The following SPAG16 variants were observed in gnomAD, a reference collection of about 807,000 sequenced individuals.
SPAG16 encodes the protein sperm associated antigen 16, also known as sperm-associated antigen 16 protein.
Under a neutral mutation model 80.4 loss-of-function variants are expected in SPAG16, and 86 were observed. The ratio of observed to expected loss-of-function variants is 1.07; its 90% CI spans 0.90 to 1.28. The LOEUF (loss-of-function observed/expected upper bound fraction) is 1.28, where lower values mean the gene tolerates loss of function less well. Ranked by LOEUF, SPAG16 falls within the 50% of genes most tolerant of loss-of-function variation. The pLI, the probability that SPAG16 is intolerant of heterozygous loss-of-function variation, is 0.00. For missense variants in SPAG16, 870 were observed against 765.3 expected (o/e 1.14, Z -1.61); for synonymous variants, 294 against 265.9 (o/e 1.11, Z -1.03).
At chr2:213,288,471 A>T (rs1575078947) in intron 1 of SPAG16, among the ~76,000 whole-genome samples, 2 of 143,022 alleles carry the variant, frequency 1.4e-5, no homozygotes, top group Admixed American at 6.9e-5. Flanking sequence ...CACCTGGCTA[A>T]TTTTTTTTTT....
intron 13 of SPAG16, among the ~76,000 whole-genome samples, chr2:214,016,224 T>C (rs1427458316): frequency 6.6e-6 from 1 of 152,176 alleles, no homozygotes; most frequent in Non-Finnish European, 1.5e-5. Flanking sequence ...AGAGGTTTAA[T>C]GAACTCACAG....
At chr2:213,709,747 C>T (rs1258329037) in intron 10 of SPAG16, among the ~76,000 whole-genome samples, 1 of 152,074 alleles carries the variant, frequency 6.6e-6, no homozygotes, top group African/African-American at 2.4e-5. Context: ...CCTCCAGTCC[C>T]TCTTAAAGAG....
intron 10 of SPAG16, among the ~76,000 whole-genome samples, chr2:213,689,093 G>C (rs964463806): frequency 3.9e-5 from 6 of 152,150 alleles, no homozygotes; most frequent in Non-Finnish European, 7.3e-5. Flanking sequence ...CTGAGCAGCT[G>C]GGATCACAGG....
chr2:213,941,291 T>A (rs916006955), intron 12 of SPAG16, among the ~76,000 whole-genome samples: 2 of 152,190 alleles, frequency 1.3e-5, no homozygotes, highest in Non-Finnish European at 2.9e-5. Context: ...AATATCAATT[T>A]CCTTTTCTAA....
intron 9 of SPAG16, among the ~76,000 whole-genome samples, chr2:213,485,867 C>G (rs1180936862): frequency 6.6e-6 from 1 of 151,956 alleles, no homozygotes; most frequent in African/African-American, 2.4e-5. Context: ...GGAAAGAGGC[C>G]TAATAGATAG....
chr2:213,818,405 T>C (rs984710753), intron 10 of SPAG16, among the ~76,000 whole-genome samples: 4 of 152,154 alleles, frequency 2.6e-5, no homozygotes, highest in African/African-American at 9.7e-5. Context: ...AATCATTTAC[T>C]TCCCCTGTAA....
intron 15 of SPAG16, among the ~76,000 whole-genome samples, chr2:214,211,855 T>C (rs1381762244): frequency 6.6e-6 from 1 of 152,152 alleles, no homozygotes; most frequent in Non-Finnish European, 1.5e-5. Flanking sequence ...TCATCTTTCC[T>C]TATACCCTAC....
chr2:214,351,868 G>C (rs13390322), intron 15 of SPAG16, among the ~76,000 whole-genome samples: 28,884 of 151,960 alleles, frequency 0.19, 3,013 homozygotes, highest in East Asian at 0.35. Flanking sequence ...TCAATGGACT[G>C]TGAGTCTCTT....
chr2:213,286,023 A>C, intron 1 of SPAG16: 1 of 737,466 alleles, frequency 1.4e-6, no homozygotes, highest in Non-Finnish European at 2.0e-6. Context: ...TTTTGCAAAC[A>C]TCTTTGTGAA....
chr2:213,964,037 T>C (rs143218088), intron 12 of SPAG16, among the ~76,000 whole-genome samples: 110 of 152,284 alleles, frequency 7.2e-4, no homozygotes, highest in African/African-American at 2.5e-3. Flanking sequence ...GAAGTACATA[T>C]AAAACAAGGT....
chr2:213,317,481 A>G, intron 5 of SPAG16, 125 bp downstream of exon 5: 1 of 1,366,216 alleles, frequency 7.3e-7, no homozygotes, highest in Non-Finnish European at 9.4e-7. Context: ...TCTAGTTGTA[A>G]AGAATGTGAG....
chr2:213,342,544 A>G (rs1282943900), intron 6 of SPAG16, among the ~76,000 whole-genome samples: 2 of 151,786 alleles, frequency 1.3e-5, no homozygotes, highest in African/African-American at 4.8e-5. Flanking sequence ...GCTATCATCA[A>G]TGAGGTATAA....
chr2:214,113,243 C>G (rs917746566), intron 14 of SPAG16, among the ~76,000 whole-genome samples: 1 of 152,074 alleles, frequency 6.6e-6, no homozygotes, highest in African/African-American at 2.4e-5. Flanking sequence ...CTCTGGCTGC[C>G]CTTAACATTT....
At chr2:213,499,332 A>C (rs914502047) in intron 10 of SPAG16, among the ~76,000 whole-genome samples, 1 of 152,176 alleles carries the variant, frequency 6.6e-6, no homozygotes, top group Non-Finnish European at 1.5e-5. Context: ...GGGTGCATAG[A>C]ACAGATCCTA....
At chr2:213,769,711 T>A (rs2069135911) in intron 10 of SPAG16, among the ~76,000 whole-genome samples, 1 of 152,250 alleles carries the variant, frequency 6.6e-6, no homozygotes. Context: ...TAATTAAAAT[T>A]CAATTTCTAT....
At chr2:213,611,489 A>G (rs1278111123) in intron 10 of SPAG16, among the ~76,000 whole-genome samples, 1 of 152,230 alleles carries the variant, frequency 6.6e-6, no homozygotes, top group Non-Finnish European at 1.5e-5. Flanking sequence ...TATATTAGAT[A>G]TACTGTAGGG....
At chr2:213,323,501 A>G (rs1210261496) in intron 5 of SPAG16, among the ~76,000 whole-genome samples, 1 of 152,212 alleles carries the variant, frequency 6.6e-6, no homozygotes, top group East Asian at 1.9e-4. Context: ...GAAGAATTGG[A>G]ACCCTTGCAC....
At chr2:213,647,045 T>C (rs1183153463) in intron 10 of SPAG16, among the ~76,000 whole-genome samples, 1 of 151,850 alleles carries the variant, frequency 6.6e-6, no homozygotes, top group Non-Finnish European at 1.5e-5. Context: ...GTAAAAAGAA[T>C]ATGAAAAGAA....
At chr2:214,163,829 C>G (rs2125610869) in intron 15 of SPAG16, among the ~76,000 whole-genome samples, 1 of 151,942 alleles carries the variant, frequency 6.6e-6, no homozygotes, top group Admixed American at 6.6e-5. Context: ...GGGCCTTAGT[C>G]TTTCTTTATT....
Sources: allele counts gnomAD v4.1 joint callset (sites outside exome capture counted in the v4.1 genomes callset), GRCh38; gene constraint gnomAD v4.1.1; transcripts MANE v1.5; gene names NCBI Gene and HGNC (gene_info 2026-07-23, HGNC 2026-07-21).